The following DDX3X variants were observed in gnomAD, a reference collection of about 807,000 sequenced individuals.
DDX3X encodes ATP-dependent RNA helicase DDX3X.
In DDX3X, 4 loss-of-function variants were observed where a neutral mutation model predicts 52.7. That is an observed-to-expected ratio of 0.08 (90% confidence interval 0.04 to 0.17). DDX3X has a LOEUF of 0.17. DDX3X is among the 10% of genes least tolerant of loss of function. The pLI is 1.00. For synonymous variants in DDX3X, 192 were observed against 178.1 expected (o/e 1.08, Z -0.62); for missense variants, 222 against 548.6 (o/e 0.40, Z 5.95).
chrX:41,355,952 T>A (rs1790405985), intron 5 of DDX3X, among the ~76,000 whole-genome samples: 1 of 111,312 alleles, frequency 9.0e-6, no homozygotes, highest in African/African-American at 3.3e-5. Flanking sequence ...TGCTCATTTT[T>A]AAATTGATAG....
rs777316498 is a variant in DDX3X, at chrX:41,348,921, C to T, written c.*1202C>T. 3.6e-5 allele frequency: 4 copies of T among 112,484 alleles called. No homozygotes were observed. In the South Asian group the frequency reaches 1.5e-3, roughly 41 times the overall value. 9.3% of individuals were successfully genotyped at this position (112,484 alleles called of 1,213,427 possible). On this transcript the variant is annotated 3_prime_UTR_variant, in exon 17 of 17. Coordinates refer to ENST00000644876, the MANE Select transcript of DDX3X (RefSeq NM_001356.5). ...TACATAACTGCACAAGGTGTCAATT[C>T]TGCTCTACAGTGCAGTTTTAGTCAG...
intron 7 of DDX3X, 38 bp downstream of exon 7, chrX:41,343,389 TC>T: frequency 8.7e-7 from 1 of 1,145,106 alleles, no homozygotes; most frequent in Non-Finnish European, 1.2e-6. Context: ...TCATATTTCT[TC>T]TGTAAAGGAC....
chrX:41,352,973 G>A (rs2063994728), downstream of DDX3X, among the ~76,000 whole-genome samples: 1 of 111,586 alleles, frequency 9.0e-6, no homozygotes, highest in Non-Finnish European at 1.9e-5. Context: ...CAAAGTAATG[G>A]CATTCTATTA....
At chrX:41,340,559 C>T (rs4827268) in intron 3 of DDX3X, 19,012 of 245,075 alleles carry the variant, frequency 0.078, 1,093 homozygotes, top group East Asian at 0.36. Context: ...ATCCCCTTAC[C>T]TGGATATTTA....
At chrX:41,337,376 C>T (rs1285008263) in intron 1 of DDX3X, 32 bp from the exon 2 acceptor site, 3 of 1,172,699 alleles carry the variant, frequency 2.6e-6, no homozygotes, top group East Asian at 6.0e-5. Context: ...TATTTGAGCA[C>T]ATGGGGTGCT....
At chrX:41,333,483 T>A (rs1196247799), upstream of DDX3X, 1 of 103,580 alleles carries the variant, frequency 9.7e-6, no homozygotes, top group Non-Finnish European at 2.0e-5. Flanking sequence ...CCCTCCCCCG[T>A]CCGGAGCACT....
chrX:41,337,437 T>C lies in DDX3X; in HGVS notation c.75T>C (p.Asp25=). Residue 25 remains aspartate, a synonymous_variant, in exon 2 of 17, where the codon GAT becomes GAC. Transcript: ENST00000644876. Reference sequence around the variant, plus strand: ...CTGGCCTAGACCTGAACTCTTCAGATAATCAGAGTGGAGGAAGTACAGCCA... The same window carrying C: ...CTGGCCTAGACCTGAACTCTTCAGACAATCAGAGTGGAGGAAGTACAGCCA... ...QFAGLDLNSS[D]NQSGGSTASK... 1 of 1,209,851 alleles carries C rather than the reference T, an allele frequency of 8.3e-7. No individual in the cohort carries two copies. Among genetic ancestry groups the C allele is most frequent in the Non-Finnish European group, 1.1e-6 (1 of 894,208 alleles).
At chrX:41,362,026 C>T (rs1395063679) in intron 5 of DDX3X, among the ~76,000 whole-genome samples, 1 of 109,090 alleles carries the variant, frequency 9.2e-6, no homozygotes, top group East Asian at 2.9e-4. Flanking sequence ...TAAGTTCTAT[C>T]TCCACACCTG....
At chrX:41,340,847 C>T (rs1352294506) in intron 3 of DDX3X, 4 of 295,022 alleles carry the variant, frequency 1.4e-5, no homozygotes, top group South Asian at 2.0e-4. Context: ...TCATTCACAC[C>T]TATAAAATGA....
chrX:41,348,549 C>T lies in DDX3X; in HGVS notation c.*830C>T, dbSNP rs2063954883. The T allele has an allele frequency of 8.9e-6, 1 of 112,446 alleles. No homozygotes were observed. Among genetic ancestry groups the T allele is most frequent in the Non-Finnish European group, 1.9e-5 (1 of 53,266 alleles). The allele number at this position is 112,446 out of a possible 1,213,427, so 9.3% of individuals were successfully genotyped here. ...ACTATTACAGGGAAAGTTTAAAGGT[C>T]TGATAACTTGAAATAGGTTTTTAGG... On this transcript the variant is annotated 3_prime_UTR_variant, in exon 17 of 17. Transcript: ENST00000644876.
chrX:41,359,985 AAAT>A (rs1383269437), intron 5 of DDX3X, among the ~76,000 whole-genome samples: 5 of 107,987 alleles, frequency 4.6e-5, no homozygotes, highest in Admixed American at 4.0e-4. Context: ...CTGTCTCAAA[AAAT>A]AATAATAATA....
chrX:41,339,296 G>C (rs943278376), intron 3 of DDX3X: 3 of 199,099 alleles, frequency 1.5e-5, no homozygotes, highest in African/African-American at 9.0e-5. Flanking sequence ...ATGTCAAACT[G>C]TTCTGACGCC....
chrX:41,356,870 C>A (rs1267777392), intron 5 of DDX3X, among the ~76,000 whole-genome samples: 6 of 108,914 alleles, frequency 5.5e-5, no homozygotes, highest in African/African-American at 1.7e-4. Context: ...GTTCACAATT[C>A]CGTTTCATTA....
intron 2 of DDX3X, 40 bp downstream of exon 2, chrX:41,337,505 T>C: frequency 1.9e-6 from 2 of 1,074,964 alleles, no homozygotes; most frequent in Non-Finnish European, 2.6e-6. Context: ...ATATTAGAGC[T>C]TAACATCTTA....
downstream of DDX3X, among the ~76,000 whole-genome samples, chrX:41,352,068 G>A (rs1176083360): frequency 1.8e-5 from 2 of 111,506 alleles, no homozygotes. Context: ...ATTATTCATC[G>A]TAACCAAAAA....
In DDX3X at chrX:41,334,171, G is replaced by C; in HGVS notation, c.-82G>C. ...CCGCGCGGTGCGCTCCAGAGCCGCA[G>C]TTCTCCCGTGAGAGGGCCTTCGCGG... On this transcript the variant is annotated 5_prime_UTR_variant, in exon 1 of 17. Transcript: ENST00000644876. The C allele has an allele frequency of 1.9e-6, 2 of 1,042,566 alleles. No individual in the cohort carries two copies. The allele number at this position is 1,042,566 out of a possible 1,213,427, so 85.9% of individuals were successfully genotyped here.
chrX:41,345,771 C>G (rs942543295), intron 12 of DDX3X: 7 of 381,521 alleles, frequency 1.8e-5, no homozygotes, highest in Non-Finnish European at 3.1e-5. Context: ...GTGTGGACAC[C>G]TGATAGGCAT....
At chrX:41,352,641 C>G (rs190448043), downstream of DDX3X, among the ~76,000 whole-genome samples, 4 of 111,468 alleles carry the variant, frequency 3.6e-5, no homozygotes, top group East Asian at 8.4e-4. Flanking sequence ...TTCTTGGAAC[C>G]TAGCCATTTT....
chrX:41,347,128 T>C, intron 15 of DDX3X, 116 bp downstream of exon 15: 1 of 945,157 alleles, frequency 1.1e-6, no homozygotes, highest in Non-Finnish European at 1.5e-6. Flanking sequence ...AGCTTAATCA[T>C]CTTAGGCTTC....
Sources: allele counts gnomAD v4.1 joint callset (sites outside exome capture counted in the v4.1 genomes callset), GRCh38; gene constraint gnomAD v4.1.1; transcripts MANE v1.5; gene names NCBI Gene and HGNC (gene_info 2026-07-23, HGNC 2026-07-21).